The following FOXO3 variants were observed in gnomAD, a reference collection of about 807,000 sequenced individuals.
FOXO3 encodes forkhead box O3.
Under a neutral mutation model 41.9 loss-of-function variants are expected in FOXO3, and 4 were observed. That is an observed-to-expected ratio of 0.10 (90% CI 0.05 to 0.22). The LOEUF is 0.22. FOXO3 is among the 10% of genes least tolerant of loss of function. The probability of loss-of-function intolerance (pLI) is 1.00; values close to 1 mark genes in which losing one functional copy is unlikely to be tolerated. For missense variants in FOXO3, 534 were observed against 906.8 expected, an observed-to-expected ratio of 0.59 and a Z score of 5.28; for synonymous variants, 318 against 389.3, an observed-to-expected ratio of 0.82 and a Z score of 2.16.
chr6:108,649,344 A>G (rs1297877822), intron 1 of FOXO3, among the ~76,000 whole-genome samples: 1 of 152,130 alleles, frequency 6.6e-6, no homozygotes, highest in Non-Finnish European at 1.5e-5. Context: ...CACTGTGCAG[A>G]TGAAAGATAG....
chr6:108,684,103 G>C lies in FOXO3; in HGVS notation c.*4311G>C, dbSNP rs1027558124. 2.6e-5 allele frequency: 4 copies of C among 152,454 alleles called. No homozygotes were observed. The highest frequency in any genetic ancestry group is 5.9e-5 in the Non-Finnish European group (4 of 68,010). The allele number at this position is 152,454 out of a possible 1,614,324, so 9.4% of individuals were successfully genotyped here. A position where few individuals can be genotyped will look rare whatever the true frequency, so the allele number is the denominator to read the frequency against. ...TGAATGATTGGTCATGAGGCCTCTT[G>C]CCACACTCCAGAAATACGTGTGCGG... On this transcript the variant is annotated 3_prime_UTR_variant, in exon 3 of 3. Coordinates refer to ENST00000406360, the MANE Select transcript of FOXO3 (RefSeq NM_001455.4).
intron 1 of FOXO3, among the ~76,000 whole-genome samples, chr6:108,635,910 C>T (rs146174556): frequency 1.8e-4 from 27 of 152,326 alleles, no homozygotes; most frequent in African/African-American, 6.0e-4. Context: ...TTAGAAAGCA[C>T]AGCTTTTGTG....
upstream of FOXO3, among the ~76,000 whole-genome samples, chr6:108,560,300 C>G (rs1387188175): frequency 6.6e-6 from 1 of 152,226 alleles, no homozygotes; most frequent in Non-Finnish European, 1.5e-5. Flanking sequence ...CTCCCTCCCC[C>G]GGATCCCGAC....
intron 1 of FOXO3, among the ~76,000 whole-genome samples, chr6:108,618,643 T>C (rs1777582142): frequency 6.6e-6 from 1 of 152,250 alleles, no homozygotes; most frequent in African/African-American, 2.4e-5. Flanking sequence ...GTCTTGTGAA[T>C]TATTTTTGTT....
At position 108,664,353 on chromosome 6, in the gene FOXO3, G is replaced by A. The variant is rs756064259; in HGVS notation, c.1520G>A (p.Arg507Gln). 22 of 1,612,434 alleles carry A rather than the reference G, an allele frequency of 1.4e-5. No homozygotes were observed. The highest frequency in any genetic ancestry group is 3.3e-5 in the Admixed American group (2 of 59,902). ...GCTGTGTCTGCCCAGAATTCCCGCC[G>A]GAACGTGATGCTTCGCAATGATCCG... ...STAVSAQNSRRNVMLRNDPMM... is the reference protein window; with the variant it reads ...STAVSAQNSRQNVMLRNDPMM... Residue 507 changes from arginine (R) to glutamine (Q), a missense_variant, in exon 2 of 3, where the codon CGG becomes CAG. Arg to Gln is a conservative substitution (Grantham distance 43). Coordinates refer to ENST00000406360, the MANE Select transcript of FOXO3 (RefSeq NM_001455.4).
chr6:108,621,561 G>GT (rs1419592802), intron 1 of FOXO3, among the ~76,000 whole-genome samples: 2 of 151,862 alleles, frequency 1.3e-5, no homozygotes, highest in African/African-American at 4.8e-5. Context: ...GTTTTGTTTT[G>GT]TTTTTTGAGA....
Position 108,678,897 on chromosome 6 carries a change from G to A in FOXO3, c.*35-930G>A, listed in dbSNP as rs200902068. 5.2e-4 allele frequency among the ~76,000 whole-genome samples: 17 copies of A among 32,678 alleles called. No homozygotes were observed. The East Asian group carries it at 8.9e-3, about 17-fold the overall frequency. The allele number at this position is 32,678 out of a possible 152,430, so 21.4% of individuals were successfully genotyped here. On this transcript the variant is annotated intron_variant, in intron 2 of 2. Coordinates refer to ENST00000406360, the MANE Select transcript of FOXO3 (RefSeq NM_001455.4). ...TTTTTTTTTTTTTTTTTTTTGAGACGGAGTCTCGCTGTCGCTCAGGCTGGA... is the reference window on the plus strand; with the variant it reads ...TTTTTTTTTTTTTTTTTTTTGAGACAGAGTCTCGCTGTCGCTCAGGCTGGA...
chr6:108,609,823 G>A (rs1412800730), intron 1 of FOXO3, among the ~76,000 whole-genome samples: 1 of 152,214 alleles, frequency 6.6e-6, no homozygotes, highest in Non-Finnish European at 1.5e-5. Context: ...TGAATATGCT[G>A]CTAACACGCC....
chr6:108,600,322 G>A (rs998091335), intron 1 of FOXO3, among the ~76,000 whole-genome samples: 13 of 152,100 alleles, frequency 8.5e-5, no homozygotes, highest in Middle Eastern at 3.4e-3. Context: ...AGGCAAGGCG[G>A]ATCACCCGAG....
intron 1 of FOXO3, among the ~76,000 whole-genome samples, chr6:108,613,100 G>C (rs1243383588): frequency 1.3e-5 from 2 of 152,126 alleles, no homozygotes; most frequent in Admixed American, 6.5e-5. Flanking sequence ...TACATTCCTG[G>C]GATAAATCCC....
intron 2 of FOXO3, among the ~76,000 whole-genome samples, chr6:108,673,639 C>T (rs1258997827): frequency 6.6e-6 from 1 of 152,206 alleles, no homozygotes; most frequent in Non-Finnish European, 1.5e-5. Flanking sequence ...GAGATCCTCC[C>T]TTCAGTATTT....
chr6:108,639,987 CAG>C (rs1778215258), intron 1 of FOXO3, among the ~76,000 whole-genome samples: 1 of 152,166 alleles, frequency 6.6e-6, no homozygotes, highest in Non-Finnish European at 1.5e-5. Context: ...ACCTGTGAGA[CAG>C]AGACTAGTTC....
At chr6:108,627,742 A>G (rs1163111003) in intron 1 of FOXO3, among the ~76,000 whole-genome samples, 1 of 152,140 alleles carries the variant, frequency 6.6e-6, no homozygotes, top group African/African-American at 2.4e-5. Context: ...ATAATGCTTT[A>G]AGAAACTTTA....
intron 1 of FOXO3, among the ~76,000 whole-genome samples, chr6:108,644,105 A>G (rs1388553394): frequency 6.6e-6 from 1 of 152,192 alleles, no homozygotes; most frequent in Non-Finnish European, 1.5e-5. Flanking sequence ...TATAGGCTCC[A>G]GATCCTGTTC....
rs1770934420 is a variant in FOXO3, at chr6:108,683,245, G to A, written c.*3453G>A. ...GTGTGTGTTGCTTCCCCACCCTGAGGAGAGGACACCATGGCTTACTACTCA... is the reference window on the plus strand; with the variant it reads ...GTGTGTGTTGCTTCCCCACCCTGAGAAGAGGACACCATGGCTTACTACTCA... On this transcript the variant is annotated 3_prime_UTR_variant, in exon 3 of 3. Coordinates refer to ENST00000406360, the MANE Select transcript of FOXO3 (RefSeq NM_001455.4). The A allele has an allele frequency of 6.6e-6, 1 of 152,224 alleles. No homozygotes were observed. Among genetic ancestry groups the A allele is most frequent in the African/African-American group, 2.4e-5 (1 of 41,414 alleles). 9.4% of individuals were successfully genotyped at this position (152,224 alleles called of 1,614,324 possible). A position where few individuals can be genotyped will look rare whatever the true frequency, so the allele number is the denominator to read the frequency against.
chr6:108,633,666 C>A (rs1465124489), intron 1 of FOXO3, among the ~76,000 whole-genome samples: 11 of 152,096 alleles, frequency 7.2e-5, no homozygotes, highest in African/African-American at 2.7e-4. Flanking sequence ...GGTGCTAGCA[C>A]ATTCTCAAGA....
chr6:108,653,999 G>T (rs1182986353), intron 1 of FOXO3, among the ~76,000 whole-genome samples: 1 of 152,196 alleles, frequency 6.6e-6, no homozygotes, highest in Non-Finnish European at 1.5e-5. Flanking sequence ...CTTGGAGAAA[G>T]ACAACAGGGG....
chr6:108,619,135 T>G (rs374756931), intron 1 of FOXO3, among the ~76,000 whole-genome samples: 1 of 152,234 alleles, frequency 6.6e-6, no homozygotes, highest in South Asian at 2.1e-4. Context: ...ATAATAAATA[T>G]GATGCCAATG....
upstream of FOXO3, among the ~76,000 whole-genome samples, chr6:108,560,710 C>T (rs144799963): frequency 2.0e-3 from 299 of 152,168 alleles, 1 homozygote; most frequent in African/African-American, 6.9e-3. Context: ...CACCCGAGCT[C>T]GGGCTCTGAC....
Sources: gnomAD v4.1 joint callset for allele counts (sites outside exome capture counted in the v4.1 genomes callset) on GRCh38, gnomAD v4.1.1 for gene constraint, MANE v1.5 for transcripts, NCBI Gene and HGNC (gene_info 2026-07-23, HGNC 2026-07-21) for gene names.